NRXN3: variants seen among roughly 807,000 people sequenced by gnomAD.
NRXN3 encodes neurexin III.
A neutral mutation model predicts 137.6 loss-of-function variants in NRXN3; 32 were observed. That is an observed-to-expected ratio of 0.23 (90% CI 0.18 to 0.31). The LOEUF is 0.31. Ranked by LOEUF, NRXN3 falls within the 10% of genes least tolerant of loss-of-function variation. The probability of loss-of-function intolerance (pLI) is 1.00; values close to 1 mark genes in which losing one functional copy is unlikely to be tolerated. For missense variants in NRXN3, 1,574 were observed against 2,062.5 expected, an observed-to-expected ratio of 0.76 and a Z score of 4.59; for synonymous variants, 798 against 784.5, an observed-to-expected ratio of 1.02 and a Z score of -0.29.
At chr14:78,793,624 C>T (rs1025102808) in intron 8 of NRXN3, among the ~76,000 whole-genome samples, 2 of 152,162 alleles carry the variant, frequency 1.3e-5, no homozygotes, top group Admixed American at 6.5e-5. Context: ...TGGCAACACA[C>T]ATGAAGTGTT....
chr14:79,250,115 T>C (rs1484093711), intron 15 of NRXN3, among the ~76,000 whole-genome samples: 3 of 152,100 alleles, frequency 2.0e-5, no homozygotes, highest in Admixed American at 6.5e-5. Flanking sequence ...TAAACAGAAA[T>C]TTGTTTTATT....
intron 15 of NRXN3, among the ~76,000 whole-genome samples, chr14:79,149,830 G>A (rs59900878): frequency 0.039 from 5,866 of 152,066 alleles, 311 homozygotes; most frequent in African/African-American, 0.12. Context: ...CACAGGGAGG[G>A]GAATAACAAA....
At chr14:79,009,696 T>C (rs975619420) in intron 15 of NRXN3, among the ~76,000 whole-genome samples, 1 of 152,172 alleles carries the variant, frequency 6.6e-6, no homozygotes, top group Admixed American at 6.6e-5. Flanking sequence ...ACCCGTCTTA[T>C]AAACAGAAAA....
chr14:78,599,814 G>A (rs979301311), intron 4 of NRXN3, among the ~76,000 whole-genome samples: 5 of 152,160 alleles, frequency 3.3e-5, no homozygotes, highest in Non-Finnish European at 4.4e-5. Flanking sequence ...TAAATGGATA[G>A]GGAAAAAAAG....
At chr14:79,592,054 G>T (rs1412443097) in intron 16 of NRXN3, among the ~76,000 whole-genome samples, 1 of 152,074 alleles carries the variant, frequency 6.6e-6, no homozygotes, top group Non-Finnish European at 1.5e-5. Context: ...CACCTTTTCA[G>T]TACCCTGTAA....
At chr14:79,806,962 A>ATTTT (rs35028709) in intron 20 of NRXN3, among the ~76,000 whole-genome samples, 8 of 26,358 alleles carry the variant, frequency 3.0e-4, no homozygotes, top group Admixed American at 7.7e-4. Context: ...ATATATATAT[A>ATTTT]TTTTTTTTTT....
chr14:78,462,443 G>A (rs888082345), intron 4 of NRXN3, among the ~76,000 whole-genome samples: 1 of 152,096 alleles, frequency 6.6e-6, no homozygotes, highest in Admixed American at 6.6e-5. Flanking sequence ...CAAGTTCAAC[G>A]TATGAGACAC....
chr14:78,461,426 A>G (rs1256837476), intron 4 of NRXN3, among the ~76,000 whole-genome samples: 2 of 152,102 alleles, frequency 1.3e-5, no homozygotes, highest in Non-Finnish European at 2.9e-5. Flanking sequence ...TACTCTGCTT[A>G]TTTTCAACAC....
intron 16 of NRXN3, among the ~76,000 whole-genome samples, chr14:79,599,393 G>T (rs1278446550): frequency 6.6e-6 from 1 of 152,140 alleles, no homozygotes; most frequent in African/African-American, 2.4e-5. Flanking sequence ...AAACTACCTT[G>T]TTCTACTTTC....
At chr14:79,146,787 G>T (rs546089435) in intron 15 of NRXN3, among the ~76,000 whole-genome samples, 1 of 152,152 alleles carries the variant, frequency 6.6e-6, no homozygotes, top group Non-Finnish European at 1.5e-5. Context: ...GGGAGCTCTC[G>T]GAAGGAAAGG....
intron 6 of NRXN3, among the ~76,000 whole-genome samples, chr14:78,655,236 A>C (rs529439967): frequency 2.6e-5 from 4 of 152,346 alleles, no homozygotes; most frequent in African/African-American, 9.6e-5. Context: ...TGCATTCTTA[A>C]GAAAAAAATG....
intron 4 of NRXN3, among the ~76,000 whole-genome samples, chr14:78,566,204 G>T (rs1042659454): frequency 7.9e-5 from 12 of 152,088 alleles, no homozygotes; most frequent in African/African-American, 2.7e-4. Context: ...TGCCCCCGAT[G>T]ATCTCACACT....
At chr14:79,036,848 G>A (rs1327881958) in intron 15 of NRXN3, among the ~76,000 whole-genome samples, 1 of 151,784 alleles carries the variant, frequency 6.6e-6, no homozygotes, top group Non-Finnish European at 1.5e-5. Context: ...TGGAAGGGAA[G>A]GCGGGACCAG....
At chr14:78,411,029 G>T (rs923059679) in intron 4 of NRXN3, among the ~76,000 whole-genome samples, 22 of 152,148 alleles carry the variant, frequency 1.4e-4, no homozygotes, top group Admixed American at 1.4e-3. Context: ...TGTAAATGAG[G>T]ATAATAGGAA....
intron 4 of NRXN3, among the ~76,000 whole-genome samples, chr14:78,352,290 C>T (rs1268927559): frequency 6.6e-6 from 1 of 152,152 alleles, no homozygotes; most frequent in Non-Finnish European, 1.5e-5. Flanking sequence ...AACAATCCAT[C>T]CCTTGCTCAC....
intron 15 of NRXN3, among the ~76,000 whole-genome samples, chr14:79,011,560 A>G (rs953988834): frequency 6.6e-6 from 1 of 151,390 alleles, no homozygotes; most frequent in Non-Finnish European, 1.5e-5. Flanking sequence ...AAAATTTTGG[A>G]CACTCCTTTT....
At chr14:79,781,706 G>A (rs977444785) in intron 19 of NRXN3, among the ~76,000 whole-genome samples, 4 of 152,210 alleles carry the variant, frequency 2.6e-5, no homozygotes, top group African/African-American at 7.2e-5. Flanking sequence ...CAAACCTACT[G>A]TTGTGGAAGC....
intron 19 of NRXN3, among the ~76,000 whole-genome samples, chr14:79,747,152 A>G (rs548033744): frequency 6.6e-6 from 1 of 152,212 alleles, no homozygotes; most frequent in Non-Finnish European, 1.5e-5. Context: ...CAGAAAAGCT[A>G]CATATATAAG....
At chr14:79,362,734 G>A (rs113611261) in intron 15 of NRXN3, among the ~76,000 whole-genome samples, 2,291 of 152,300 alleles carry the variant, frequency 0.015, 54 homozygotes, top group African/African-American at 0.051. Context: ...GCAATGCCGA[G>A]TTCATCAGTC....
Sources: allele counts gnomAD v4.1 joint callset (sites outside exome capture counted in the v4.1 genomes callset), GRCh38; gene constraint gnomAD v4.1.1; transcripts MANE v1.5; gene names NCBI Gene and HGNC (gene_info 2026-07-23, HGNC 2026-07-21).